Variants in RBM5 observed in about 807,000 individuals in gnomAD.
RBM5 encodes RNA binding motif protein 5, also known as RNA-binding protein 5.
RBM5 carries 15 observed loss-of-function variants against 124.6 expected under a neutral mutation model. That is an observed-to-expected ratio of 0.12 (90% CI 0.08 to 0.19). The LOEUF (loss-of-function observed/expected upper bound fraction) is 0.19. RBM5 is among the 10% of genes least tolerant of loss of function. The probability of loss-of-function intolerance (pLI) is 1.00; values close to 1 mark genes in which losing one functional copy is unlikely to be tolerated. For synonymous variants in RBM5, 337 were observed against 361.2 expected, an observed-to-expected ratio of 0.93 and a Z score of 0.76; for missense variants, 580 against 1,026.5, an observed-to-expected ratio of 0.57 and a Z score of 5.94.
rs1249224078 is a variant in RBM5 at position 50,118,954 on chromosome 3, TGA to T, written c.*501_*502del. On this transcript the variant is annotated 3_prime_UTR_variant, in exon 25 of 25. Coordinates refer to ENST00000347869, the MANE Select transcript of RBM5 (RefSeq NM_005778.4). ...TGGCTCCTTTACAAAAGAAATACCTTGAGAAATGGGTGTCCTGTGTCTCTTTA... is the reference window on the plus strand; with the variant it reads ...TGGCTCCTTTACAAAAGAAATACCTTGAAATGGGTGTCCTGTGTCTCTTTA... 6.5e-6 allele frequency: 1 copy of T among 154,174 alleles called. No individual in the cohort carries two copies. Among genetic ancestry groups the T allele is most frequent in the East Asian group, 1.9e-4 (1 of 5,250 alleles). The allele number at this position is 154,174 out of a possible 1,614,324, so 9.6% of individuals were successfully genotyped here.
At position 50,105,540 on chromosome 3, in the gene RBM5, T is replaced by C. The variant is rs1475912515; in HGVS notation, c.695-9T>C. 6.2e-7 allele frequency: 1 copy of C among 1,612,140 alleles called. No homozygotes were observed. Among genetic ancestry groups the C allele is most frequent in the Admixed American group, 1.7e-5 (1 of 59,828 alleles). On this transcript the variant is annotated splice_polypyrimidine_tract_variant and intron_variant, in intron 9 of 24. Transcript: ENST00000347869. The stretch of plus-strand genomic sequence containing the variant: ...GCATGTGTATGTCATTTGTCTCATT[T>C]ACCCCTAGCGATCATTCTTCGGAAC...
At chr3:50,092,484 C>G (rs1262799140) in intron 3 of RBM5, among the ~76,000 whole-genome samples, 1 of 151,494 alleles carries the variant, frequency 6.6e-6, no homozygotes, top group Non-Finnish European at 1.5e-5. Context: ...TCACTTGAAA[C>G]CTGGGAGGCG....
Position 50,100,681 on chromosome 3 carries a change from G to T in RBM5, c.483+76G>T. On this transcript the variant is annotated intron_variant, in intron 6 of 24. Transcript: ENST00000347869. This position sits in a 1 kb window ranked among gnomAD's most constrained non-coding sequence, Gnocchi z 5.1. The stretch of plus-strand genomic sequence containing the variant: ...ACAATTTTAAAAAAAGGTTGAAGGA[G>T]TGGTTTGTTCCAAAGGAGTGACTTT... The T allele has an allele frequency of 7.9e-7, 1 of 1,265,040 alleles. No homozygotes were observed. Among genetic ancestry groups the T allele is most frequent in the South Asian group, 1.4e-5 (1 of 73,208 alleles). 78.4% of individuals were successfully genotyped at this position (1,265,040 alleles called of 1,614,324 possible).
chr3:50,099,037 T>C (rs1017999950), intron 4 of RBM5, among the ~76,000 whole-genome samples: 3 of 152,134 alleles, frequency 2.0e-5, no homozygotes, highest in Non-Finnish European at 2.9e-5. Context: ...GCCGGATCGC[T>C]TGAGCCCAGG....
At chr3:50,095,529 G>T (rs1277520155) in intron 4 of RBM5, among the ~76,000 whole-genome samples, 1 of 151,882 alleles carries the variant, frequency 6.6e-6, no homozygotes, top group Non-Finnish European at 1.5e-5. Flanking sequence ...CAGCATCTCT[G>T]GTCCTCACCC....
intron 4 of RBM5, 172 bp from the exon 5 acceptor site, chr3:50,099,810 T>C: frequency 4.0e-6 from 2 of 504,836 alleles, no homozygotes; most frequent in Non-Finnish European, 3.5e-6. Flanking sequence ...TGCAGTGAGC[T>C]GAGATCATGC....
intron 4 of RBM5, among the ~76,000 whole-genome samples, chr3:50,097,709 G>T (rs1451931067): frequency 6.6e-6 from 1 of 152,104 alleles, no homozygotes; most frequent in Non-Finnish European, 1.5e-5. Flanking sequence ...CTTTATTCTA[G>T]CCCCAATTAA....
chr3:50,092,857 T>C, intron 3 of RBM5: 2 of 326,190 alleles, frequency 6.1e-6, no homozygotes, highest in South Asian at 2.5e-5. Context: ...GAGGCCAGCC[T>C]GGGCACCATA....
In RBM5 at chr3:50,100,925, C is replaced by CT. The variant is rs1379598944; in HGVS notation, c.483+322dup. The CT allele has an allele frequency of 4.5e-6, 1 of 222,258 alleles. No individual in the cohort carries two copies. Among genetic ancestry groups the CT allele is most frequent in the Non-Finnish European group, 8.8e-6 (1 of 114,184 alleles). 13.8% of individuals were successfully genotyped at this position (222,258 alleles called of 1,614,324 possible). A position where few individuals can be genotyped will look rare whatever the true frequency, so the allele number is the denominator to read the frequency against. On this transcript the variant is annotated intron_variant, in intron 6 of 24. Transcript: ENST00000347869. The surrounding 1 kb of genome is among the most constrained non-coding windows in gnomAD (Gnocchi z 5.1). Reference sequence around the variant, plus strand: ...TCCTATTATGTCCATTGAGAGTAAGCTTAGTATATCAAACTCTCCATTTGA... The same window carrying CT: ...TCCTATTATGTCCATTGAGAGTAAGCTTTAGTATATCAAACTCTCCATTTGA...
chr3:50,118,479 A>T lies in RBM5; in HGVS notation c.*23A>T. On this transcript the variant is annotated 3_prime_UTR_variant, in exon 25 of 25. Coordinates refer to ENST00000347869, the MANE Select transcript of RBM5 (RefSeq NM_005778.4). The stretch of plus-strand genomic sequence containing the variant: ...TGAGAGAGAGAGAGAGAGAGAGATG[A>T]CAAGGAGCACAAGAAGTGGTCCATC... 3.7e-6 allele frequency: 6 copies of T among 1,605,932 alleles called. No homozygotes were observed. Among genetic ancestry groups the T allele is most frequent in the Non-Finnish European group, 5.1e-6 (6 of 1,175,282 alleles).
chr3:50,092,127 G>A lies in RBM5; in HGVS notation c.102G>A (p.Arg34=), dbSNP rs146767621. The change falls in exon 3 of 25, where the codon CGG becomes CGA. Residue 34 remains arginine (R), a synonymous_variant. Transcript: ENST00000347869. ...DRDERESRSR[R]RDSDYKRSSD... is the part of the protein sequence containing the mutation. ...ATGAGCGTGAATCCCGAAGCAGGCGGAGGGACTCAGATTACAAAAGATCTA... is the reference window on the plus strand; with the variant it reads ...ATGAGCGTGAATCCCGAAGCAGGCGAAGGGACTCAGATTACAAAAGATCTA... 725 of 1,614,092 alleles carry A rather than the reference G, an allele frequency of 4.5e-4. 3 individuals are homozygous for A. Among genetic ancestry groups the A allele is most frequent in the Middle Eastern group, 1.3e-3 (8 of 6,062 alleles).
chr3:50,114,139 AC>A (rs779115349), intron 19 of RBM5, 40 bp downstream of exon 19: 408 of 1,614,134 alleles, frequency 2.5e-4, no homozygotes, highest in Non-Finnish European at 3.3e-4. Flanking sequence ...ATGGGAACTT[AC>A]CTAAAACTTG....
intron 3 of RBM5, chr3:50,092,630 A>C: frequency 2.7e-6 from 1 of 367,538 alleles, no homozygotes; most frequent in Admixed American, 3.0e-5. Flanking sequence ...ACTTTTGAGC[A>C]CTTGACTTCA....
At chr3:50,106,636 T>C (rs951601182) in intron 10 of RBM5, 131 bp from the exon 11 acceptor site, 3 of 652,866 alleles carry the variant, frequency 4.6e-6, no homozygotes, top group Admixed American at 2.9e-5. Context: ...TGAGGTTTCA[T>C]ATCTGCAAAC....
At chr3:50,093,013 G>T in intron 3 of RBM5, 1 of 248,836 alleles carries the variant, frequency 4.0e-6, no homozygotes, top group Non-Finnish European at 7.6e-6. Context: ...GGAGTGCAGT[G>T]GTGCGACCTC....
Position 50,118,454 on chromosome 3 carries a change from T to TGAGAGA in RBM5, c.*15_*20dup, listed in dbSNP as rs112672304. The TGAGAGA allele has an allele frequency of 7.0e-6, 11 of 1,577,566 alleles. No homozygotes were observed. Among genetic ancestry groups the TGAGAGA allele is most frequent in the African/African-American group, 5.5e-5 (4 of 73,048 alleles). On this transcript the variant is annotated inframe_insertion and stop_retained_variant, in exon 25 of 25. Transcript: ENST00000347869. The stretch of plus-strand genomic sequence containing the variant: ...GTTTGCCCGGTTCACTGAGATGGAG[T>TGAGAGA]GAGAGAGAGAGAGAGAGAGAGATGA...
rs753460045 is a variant in RBM5, at chr3:50,103,063, A to G, written c.484-20A>G. On this transcript the variant is annotated intron_variant, in intron 6 of 24. Coordinates refer to ENST00000347869, the MANE Select transcript of RBM5 (RefSeq NM_005778.4). ...CATGTTCCTCACAATGGGAATAACT[A>G]ATTACTTCTTTTCTTACAGAAAAAG... 7 of 1,554,496 alleles carry G rather than the reference A, an allele frequency of 4.5e-6. No homozygotes were observed. The highest frequency in any genetic ancestry group is 5.3e-6 in the Non-Finnish European group (6 of 1,125,896).
rs2091304840 is a variant in RBM5 at position 50,118,774 on chromosome 3, A to G, written c.*318A>G. 7.1e-6 allele frequency: 2 copies of G among 281,576 alleles called. No individual in the cohort carries two copies. The highest frequency in any genetic ancestry group is 1.4e-5 in the Non-Finnish European group (2 of 147,764). 17.4% of individuals were successfully genotyped at this position (281,576 alleles called of 1,614,324 possible). Reference sequence around the variant, plus strand: ...ATGTTGTGGTCCATCAGCCCCTCACATTCCTAGGGGTTTGAGATGCTGTAG... The same window carrying G: ...ATGTTGTGGTCCATCAGCCCCTCACGTTCCTAGGGGTTTGAGATGCTGTAG... On this transcript the variant is annotated 3_prime_UTR_variant, in exon 25 of 25. Coordinates refer to ENST00000347869, the MANE Select transcript of RBM5 (RefSeq NM_005778.4).
chr3:50,107,924 G>T lies in RBM5; in HGVS notation c.1042-146G>T. 9 of 688,524 alleles carry T rather than the reference G, an allele frequency of 1.3e-5. No individual in the cohort carries two copies. The South Asian group carries it at 1.5e-4, about 12-fold the overall frequency. 42.7% of individuals were successfully genotyped at this position (688,524 alleles called of 1,614,324 possible). A position where few individuals can be genotyped will look rare whatever the true frequency, so the allele number is the denominator to read the frequency against. On this transcript the variant is annotated intron_variant, in intron 12 of 24. Transcript: ENST00000347869. ...TGGTCTTGAACTCCTGACCTCAGGT[G>T]ATCCACCCACGTCAGCCTCCCAAAG...
Sources: gnomAD v4.1 joint callset for allele counts (sites outside exome capture counted in the v4.1 genomes callset) on GRCh38, gnomAD v4.1.1 for gene constraint, Gnocchi (gnomAD v3.1) non-coding constraint, MANE v1.5 for transcripts, NCBI Gene and HGNC (gene_info 2026-07-23, HGNC 2026-07-21) for gene names.